The following MAF variants were observed in gnomAD, a reference collection of about 807,000 sequenced individuals.
The protein encoded by MAF is transcription factor Maf.
In MAF, 10 loss-of-function variants were observed where a neutral mutation model predicts 22.0. The ratio of observed to expected loss-of-function variants is 0.45; its 90% CI spans 0.28 to 0.77. The LOEUF (loss-of-function observed/expected upper bound fraction) is 0.77. Ranked by LOEUF, MAF falls within the 30% of genes least tolerant of loss-of-function variation. The pLI is 0.12. For synonymous variants in MAF, 337 were observed against 255.8 expected (o/e 1.32, Z -3.03); for missense variants, 544 against 548.4 (o/e 0.99, Z 0.08).
chr16:79,578,591 C>T, the MAF span, among the ~76,000 whole-genome samples: 2 of 151,926 alleles, frequency 1.3e-5, no homozygotes, highest in African/African-American at 2.4e-5. Flanking sequence ...GAGAAAACTA[C>T]AAGACTCCCC....
chr16:79,390,658 G>C, the MAF span, among the ~76,000 whole-genome samples: 1 of 152,136 alleles, frequency 6.6e-6, no homozygotes, highest in African/African-American at 2.4e-5. Flanking sequence ...AGAGATTTCT[G>C]AATTCTTGCC....
the MAF span, among the ~76,000 whole-genome samples, chr16:79,363,890 G>A: frequency 6.6e-6 from 1 of 152,174 alleles, no homozygotes; most frequent in Non-Finnish European, 1.5e-5. Flanking sequence ...AAATAGCTCA[G>A]TATAGTTCAG....
the MAF span, among the ~76,000 whole-genome samples, chr16:79,412,645 G>C: frequency 1.3e-5 from 2 of 152,182 alleles, no homozygotes; most frequent in Non-Finnish European, 2.9e-5. Flanking sequence ...ACTGCTTCAA[G>C]CTAAGCCTTG....
the MAF span, among the ~76,000 whole-genome samples, chr16:79,393,616 G>T: frequency 5.9e-5 from 9 of 152,070 alleles, no homozygotes; most frequent in African/African-American, 1.2e-4. Context: ...GTGCAGCAAG[G>T]TTCCTTCTCT....
At chr16:79,364,929 T>A in the MAF span, among the ~76,000 whole-genome samples, 9 of 152,090 alleles carry the variant, frequency 5.9e-5, no homozygotes, top group Non-Finnish European at 1.3e-4. Context: ...GATTCAAGAG[T>A]TGGGCTGCAT....
chr16:79,406,835 C>T, the MAF span, among the ~76,000 whole-genome samples: 1 of 152,140 alleles, frequency 6.6e-6, no homozygotes, highest in East Asian at 1.9e-4. Flanking sequence ...AGAGCCGCTT[C>T]CTGCCCTTCC....
chr16:79,334,607 T>TCTTAGGA, the MAF span, among the ~76,000 whole-genome samples: 1 of 152,038 alleles, frequency 6.6e-6, no homozygotes, highest in East Asian at 1.9e-4. Flanking sequence ...GCTAAAAAAT[T>TCTTAGGA]CTTAGGACTT....
the MAF span, chr16:79,212,575 TCA>T: frequency 3.4e-4 from 56 of 163,974 alleles, no homozygotes; most frequent in African/African-American, 1.2e-3. Context: ...TGTCTGTCAA[TCA>T]CAGTCTCAGT....
chr16:79,578,370 C>T, the MAF span, among the ~76,000 whole-genome samples: 19 of 152,112 alleles, frequency 1.2e-4, 1 homozygote, highest in African/African-American at 4.6e-4. Flanking sequence ...AATCCAAAGG[C>T]TAAATGCCCA....
At chr16:79,540,457 C>CA in the MAF span, among the ~76,000 whole-genome samples, 3 of 152,140 alleles carry the variant, frequency 2.0e-5, no homozygotes, top group Non-Finnish European at 2.9e-5. Flanking sequence ...AAGACAAGGG[C>CA]ATCCACGCAC....
the MAF span, among the ~76,000 whole-genome samples, chr16:79,264,951 G>A: frequency 5.3e-5 from 8 of 152,168 alleles, no homozygotes; most frequent in African/African-American, 1.9e-4. Flanking sequence ...GACTGAGAAA[G>A]GGAAGCTGTG....
the MAF span, among the ~76,000 whole-genome samples, chr16:79,402,937 TGTGGA>T: frequency 1.9e-3 from 283 of 152,228 alleles, 1 homozygote; most frequent in African/African-American, 6.5e-3. Flanking sequence ...ATGTGGAGGT[TGTGGA>T]GCCTTGGGAG....
chr16:79,375,807 TC>T, the MAF span, among the ~76,000 whole-genome samples: 1 of 152,146 alleles, frequency 6.6e-6, no homozygotes, highest in Non-Finnish European at 1.5e-5. Context: ...TTTTGGCAAA[TC>T]CCAGTTCACT....
the MAF span, among the ~76,000 whole-genome samples, chr16:79,349,924 C>T: frequency 1.3e-5 from 2 of 152,166 alleles, no homozygotes; most frequent in South Asian, 2.1e-4. Flanking sequence ...AACTTTTCAT[C>T]GTTTTCCAAA....
At chr16:79,357,623 T>G in the MAF span, among the ~76,000 whole-genome samples, 14 of 152,150 alleles carry the variant, frequency 9.2e-5, no homozygotes, top group African/African-American at 3.4e-4. Context: ...GTCTCTGTCT[T>G]TGAACATCAT....
chr16:79,445,149 T>TCAGCCCCCTGAGCAGCTGCC, the MAF span, among the ~76,000 whole-genome samples: 1 of 151,872 alleles, frequency 6.6e-6, no homozygotes, highest in African/African-American at 2.4e-5. Context: ...TTCTCCTGCC[T>TCAGCCCCCTGAGCAGCTGCC]CAGCCCCCTG....
chr16:79,565,751 T>A, the MAF span, among the ~76,000 whole-genome samples: 1 of 152,200 alleles, frequency 6.6e-6, no homozygotes, highest in South Asian at 2.1e-4. Flanking sequence ...AATTACCCAG[T>A]CCCAGGTATG....
the MAF span, among the ~76,000 whole-genome samples, chr16:79,389,657 T>G: frequency 6.6e-6 from 1 of 152,116 alleles, no homozygotes; most frequent in Non-Finnish European, 1.5e-5. Flanking sequence ...GCCCTTCCCA[T>G]ACTTGTCTGT....
At chr16:79,236,224 G>T in the MAF span, among the ~76,000 whole-genome samples, 2 of 152,030 alleles carry the variant, frequency 1.3e-5, no homozygotes, top group Non-Finnish European at 2.9e-5. Flanking sequence ...TGATACAGAG[G>T]AATACTTGAA....
Sources: allele counts gnomAD v4.1 joint callset (sites outside exome capture counted in the v4.1 genomes callset), GRCh38; gene constraint gnomAD v4.1.1; transcripts MANE v1.5; gene names NCBI Gene and HGNC (gene_info 2026-07-23, HGNC 2026-07-21).